The following SAMD5 variants were observed in gnomAD, a reference collection of about 807,000 sequenced individuals.
SAMD5 encodes sterile alpha motif domain-containing protein 5.
Under a neutral mutation model 11.3 loss-of-function variants are expected in SAMD5, and 13 were observed. The ratio of observed to expected loss-of-function variants is 1.15; its 90% CI spans 0.75 to 1.83. SAMD5 has a LOEUF of 1.83. Ranked by LOEUF, SAMD5 falls within the 40% of genes most tolerant of loss-of-function variation. SAMD5 has a pLI of 0.00. For synonymous variants in SAMD5, 129 were observed against 111.3 expected (o/e 1.16, Z -1.00); for missense variants, 255 against 239.1 (o/e 1.07, Z -0.44).
chr6:147,606,001 C>A (rs1402339671), intron 1 of SAMD5, among the ~76,000 whole-genome samples: 3 of 152,016 alleles, frequency 2.0e-5, no homozygotes, highest in Non-Finnish European at 2.9e-5. Flanking sequence ...TGAATAACAG[C>A]ATTCAAAAAC....
chr6:147,654,670 G>T (rs761496486), intron 1 of SAMD5, among the ~76,000 whole-genome samples: 1 of 152,032 alleles, frequency 6.6e-6, no homozygotes, highest in East Asian at 1.9e-4. Flanking sequence ...AAGTGCCTGT[G>T]AGTAAGCAGT....
the SAMD5 span, among the ~76,000 whole-genome samples, chr6:147,790,770 T>TTC: frequency 2.5e-3 from 217 of 88,174 alleles, 1 homozygote; most frequent in Admixed American, 3.8e-3. Flanking sequence ...CTCTCTCTCT[T>TTC]TCTCTCTCTC....
the SAMD5 span, among the ~76,000 whole-genome samples, chr6:147,858,664 C>T: frequency 6.6e-6 from 1 of 152,224 alleles, no homozygotes; most frequent in Non-Finnish European, 1.5e-5. Context: ...CTCTTCTGCT[C>T]ACTCATTAAA....
Position 147,564,863 on chromosome 6 carries a change from C to A in SAMD5, c.*407C>A. On this transcript the variant is annotated 3_prime_UTR_variant, in exon 2 of 2. Transcript: ENST00000367474. The stretch of plus-strand genomic sequence containing the variant: ...ACAGTAAGTAGTAATTATATTATTT[C>A]CAAATTTGCTTTTAACTTGAGAACA... 1.1e-6 allele frequency: 1 copy of A among 935,690 alleles called. No homozygotes were observed. Among genetic ancestry groups the A allele is most frequent in the Non-Finnish European group, 1.3e-6 (1 of 784,258 alleles). 58.0% of individuals were successfully genotyped at this position (935,690 alleles called of 1,614,324 possible).
chr6:147,618,860 T>A (rs745755858), intron 1 of SAMD5, among the ~76,000 whole-genome samples: 1 of 152,266 alleles, frequency 6.6e-6, no homozygotes, highest in Non-Finnish European at 1.5e-5. Context: ...CAAAGTACTA[T>A]ATTCCTGAAT....
the SAMD5 span, among the ~76,000 whole-genome samples, chr6:147,796,976 A>G: frequency 3.4e-5 from 5 of 145,206 alleles, no homozygotes; most frequent in South Asian, 2.3e-4. Context: ...GGCTGAGACA[A>G]TGGGGTTTTC....
At chr6:147,541,890 G>A (rs562708478) in intron 1 of SAMD5, among the ~76,000 whole-genome samples, 13 of 152,240 alleles carry the variant, frequency 8.5e-5, no homozygotes, top group African/African-American at 2.6e-4. Context: ...GAGCTGAACA[G>A]ACACCCCACA....
At chr6:147,740,853 C>T (rs377326009), downstream of SAMD5, among the ~76,000 whole-genome samples, 7 of 152,316 alleles carry the variant, frequency 4.6e-5, no homozygotes, top group African/African-American at 1.4e-4. Context: ...TAAACATACA[C>T]ACGAAGCTTC....
chr6:147,761,452 A>C, the SAMD5 span, among the ~76,000 whole-genome samples: 1 of 152,158 alleles, frequency 6.6e-6, no homozygotes. Context: ...ATGGGCTTTG[A>C]TAGGACAAAG....
the SAMD5 span, among the ~76,000 whole-genome samples, chr6:147,816,301 A>AATATATATATATATATATATATAT: frequency 3.0e-5 from 2 of 66,354 alleles, no homozygotes; most frequent in Non-Finnish European, 4.8e-5. Context: ...AAAAAAAAAA[A>AATATATATATATATATATATATAT]ATATATATAT....
the SAMD5 span, among the ~76,000 whole-genome samples, chr6:147,811,893 A>T: frequency 6.6e-6 from 1 of 152,208 alleles, no homozygotes; most frequent in Admixed American, 6.5e-5. Flanking sequence ...TCTCCTTTCC[A>T]GAACAGAAAT....
the SAMD5 span, among the ~76,000 whole-genome samples, chr6:147,848,899 A>G: frequency 6.6e-6 from 1 of 152,170 alleles, no homozygotes; most frequent in Non-Finnish European, 1.5e-5. Flanking sequence ...CCTTCATACA[A>G]ATTCAGAAAT....
At chr6:147,863,398 G>C in the SAMD5 span, among the ~76,000 whole-genome samples, 1 of 152,106 alleles carries the variant, frequency 6.6e-6, no homozygotes, top group Non-Finnish European at 1.5e-5. Flanking sequence ...TGTAAGATAA[G>C]ACATAACTCT....
the SAMD5 span, among the ~76,000 whole-genome samples, chr6:147,846,831 A>G: frequency 6.6e-6 from 1 of 152,284 alleles, no homozygotes; most frequent in East Asian, 1.9e-4. Flanking sequence ...GAAAAACAAA[A>G]CAAAACAGTT....
At chr6:147,718,354 G>C (rs542634425) in intron 1 of SAMD5, among the ~76,000 whole-genome samples, 2 of 152,254 alleles carry the variant, frequency 1.3e-5, no homozygotes, top group South Asian at 2.1e-4. Context: ...GTCTCCAAAG[G>C]CTCCTTTACA....
intron 1 of SAMD5, among the ~76,000 whole-genome samples, chr6:147,647,032 T>A (rs1790416007): frequency 6.6e-6 from 1 of 150,830 alleles, no homozygotes; most frequent in African/African-American, 2.4e-5. Context: ...CTGGCCATGG[T>A]GACAGGCACC....
chr6:147,759,677 G>A, the SAMD5 span, among the ~76,000 whole-genome samples: 1 of 151,756 alleles, frequency 6.6e-6, no homozygotes, highest in African/African-American at 2.4e-5. Context: ...TTAAAGTCTA[G>A]GTTCCCAAGG....
intron 1 of SAMD5, among the ~76,000 whole-genome samples, chr6:147,605,505 T>C (rs1789685932): frequency 6.6e-6 from 1 of 152,194 alleles, no homozygotes; most frequent in South Asian, 2.1e-4. Flanking sequence ...CAACCTATTC[T>C]GGAAACCATA....
At chr6:147,933,584 G>A in the SAMD5 span, among the ~76,000 whole-genome samples, 1 of 152,126 alleles carries the variant, frequency 6.6e-6, no homozygotes, top group Non-Finnish European at 1.5e-5. Flanking sequence ...GTCTTCATTT[G>A]TAAAAGGATT....
Sources: gnomAD v4.1 joint callset for allele counts (sites outside exome capture counted in the v4.1 genomes callset) on GRCh38, gnomAD v4.1.1 for gene constraint, MANE v1.5 for transcripts, NCBI Gene and HGNC (gene_info 2026-07-23, HGNC 2026-07-21) for gene names.